YES1: variants seen among roughly 807,000 people sequenced by gnomAD.
YES1 encodes YES proto-oncogene 1, Src family tyrosine kinase.
In YES1, 39 loss-of-function variants were observed where a neutral mutation model predicts 70.4. The ratio of observed to expected loss-of-function variants is 0.55; its 90% CI spans 0.43 to 0.72. The LOEUF (loss-of-function observed/expected upper bound fraction) is 0.72, where lower values mean the gene tolerates loss of function less well. YES1 is among the 30% of genes least tolerant of loss of function. The pLI is 0.00. For missense variants in YES1, 495 were observed against 644.8 expected (o/e 0.77, Z 2.52); for synonymous variants, 198 against 218.6 (o/e 0.91, Z 0.83).
At chr18:757,143 C>T (rs1290473828) in intron 1 of YES1, among the ~76,000 whole-genome samples, 1 of 152,222 alleles carries the variant, frequency 6.6e-6, no homozygotes, top group East Asian at 1.9e-4. Context: ...AATTTGAATC[C>T]TGGCTTCCTA....
intron 1 of YES1, among the ~76,000 whole-genome samples, chr18:757,290 T>G (rs1029221999): frequency 6.7e-6 from 1 of 149,656 alleles, no homozygotes; most frequent in Non-Finnish European, 1.5e-5. Context: ...GATCACGAGG[T>G]CAGGAGATTG....
In YES1 at chr18:742,952, T is replaced by C; in HGVS notation, c.1026A>G (p.Glu342=). 2 of 1,600,964 alleles carry C rather than the reference T, an allele frequency of 1.2e-6. No homozygotes were observed. The highest frequency in any genetic ancestry group is 4.5e-5 in the East Asian group (2 of 44,780). Residue 342 remains glutamate, a synonymous_variant, in exon 8 of 12, where the codon GAA becomes GAG. Transcript: ENST00000314574. ...LVPLYAVVSE[E]PIYIVTEFMS... is the part of the protein sequence containing the mutation. Reference sequence around the variant, plus strand: ...TAAATTCAGTGACAATGTAAATTGGTTCTTCAGAAACAACAGCATATAGTG... The same window carrying C: ...TAAATTCAGTGACAATGTAAATTGGCTCTTCAGAAACAACAGCATATAGTG...
intron 10 of YES1, among the ~76,000 whole-genome samples, chr18:734,517 C>T (rs904255003): frequency 6.6e-6 from 1 of 152,060 alleles, no homozygotes; most frequent in Non-Finnish European, 1.5e-5. Flanking sequence ...GATCGCGCCA[C>T]TGCACTCCAG....
At chr18:768,641 CG>C (rs1202475688) in intron 1 of YES1, among the ~76,000 whole-genome samples, 2 of 151,978 alleles carry the variant, frequency 1.3e-5, no homozygotes, top group Non-Finnish European at 2.9e-5. Context: ...ACGGTGGTCC[CG>C]TAAGATTATA....
intron 10 of YES1, chr18:735,649 A>C (rs1001721283): frequency 1.3e-5 from 2 of 151,906 alleles, no homozygotes; most frequent in Non-Finnish European, 2.9e-5. Flanking sequence ...GGGAGGCGGA[A>C]GTTGCAGTGA....
At chr18:797,790 A>ATATC (rs1469419367) in intron 1 of YES1, among the ~76,000 whole-genome samples, 1 of 152,194 alleles carries the variant, frequency 6.6e-6, no homozygotes, top group Non-Finnish European at 1.5e-5. Flanking sequence ...TTCTTCTAAG[A>ATATC]TATCTACCTG....
chr18:741,501 C>A (rs2080216604), intron 8 of YES1, among the ~76,000 whole-genome samples: 1 of 152,120 alleles, frequency 6.6e-6, no homozygotes, highest in Admixed American at 6.6e-5. Context: ...ATCTAATATA[C>A]TCTTTGAAAG....
intron 1 of YES1, among the ~76,000 whole-genome samples, chr18:776,192 C>T (rs1264709774): frequency 6.9e-6 from 1 of 144,558 alleles, no homozygotes; most frequent in Non-Finnish European, 1.5e-5. Flanking sequence ...ACTTGGTATA[C>T]TCGATCTTTT....
At position 806,399 on chromosome 18, in the gene YES1, A is replaced by G. The variant is rs147339862; in HGVS notation, c.-9+5715T>C. Among the ~76,000 whole-genome samples the G allele has an allele frequency of 3.6e-3, 542 of 152,328 alleles. 4 individuals are homozygous for G. The highest frequency in any genetic ancestry group is 0.013 in the African/African-American group (520 of 41,578). On this transcript the variant is annotated intron_variant, in intron 1 of 11. Coordinates refer to ENST00000314574, the MANE Select transcript of YES1 (RefSeq NM_005433.4). ...TTTTGTAAAATCACCTTCTAGAACA[A>G]AACCTTGAGAGCAAAAATCTAAAGA... is the stretch of plus-strand genomic sequence containing the variant.
intron 1 of YES1, among the ~76,000 whole-genome samples, chr18:765,461 T>G (rs576188441): frequency 6.7e-6 from 1 of 148,750 alleles, no homozygotes; most frequent in Non-Finnish European, 1.5e-5. Context: ...TGTAGTGGCG[T>G]GATCTTGGCT....
intron 1 of YES1, among the ~76,000 whole-genome samples, chr18:783,496 T>C (rs962626408): frequency 6.6e-6 from 1 of 152,262 alleles, no homozygotes; most frequent in Non-Finnish European, 1.5e-5. Flanking sequence ...GAAAGCTCAA[T>C]TGAGTTGAAT....
chr18:763,515 C>T (rs1361021784), intron 1 of YES1, among the ~76,000 whole-genome samples: 1 of 151,700 alleles, frequency 6.6e-6, no homozygotes, highest in African/African-American at 2.4e-5. Context: ...GGCGTCATGG[C>T]AGAACCCCGT....
intron 1 of YES1, among the ~76,000 whole-genome samples, chr18:791,659 A>AT (rs1906256175): frequency 1.3e-5 from 2 of 152,340 alleles, no homozygotes; most frequent in South Asian, 4.1e-4. Flanking sequence ...AAAGAGATTA[A>AT]TTTTAATATC....
At chr18:783,231 AAT>A (rs1452767085) in intron 1 of YES1, among the ~76,000 whole-genome samples, 1 of 152,148 alleles carries the variant, frequency 6.6e-6, no homozygotes, top group African/African-American at 2.4e-5. Context: ...AAAATAAATA[AAT>A]AAAACATTAT....
At chr18:769,929 A>G (rs1294697371) in intron 1 of YES1, among the ~76,000 whole-genome samples, 1 of 151,426 alleles carries the variant, frequency 6.6e-6, no homozygotes, top group Non-Finnish European at 1.5e-5. Flanking sequence ...GCCTCACAAA[A>G]TGAATTGGGA....
intron 1 of YES1, among the ~76,000 whole-genome samples, chr18:768,584 C>T (rs1905011936): frequency 6.6e-6 from 1 of 152,140 alleles, no homozygotes; most frequent in Non-Finnish European, 1.5e-5. Context: ...TAACATATAC[C>T]ATCATGTGCA....
intron 1 of YES1, among the ~76,000 whole-genome samples, chr18:809,118 A>T (rs1023780109): frequency 6.6e-6 from 1 of 152,240 alleles, no homozygotes; most frequent in Non-Finnish European, 1.5e-5. Context: ...CCATTCGTTC[A>T]ATAAACATTT....
At chr18:729,118 TCTG>T (rs1425640283) in intron 11 of YES1, among the ~76,000 whole-genome samples, 1 of 152,256 alleles carries the variant, frequency 6.6e-6, no homozygotes, top group Non-Finnish European at 1.5e-5. Context: ...TACATTCTGT[TCTG>T]CTTTCTTCCC....
chr18:752,826 TC>T (rs1004289445), intron 2 of YES1, among the ~76,000 whole-genome samples: 2 of 152,136 alleles, frequency 1.3e-5, no homozygotes, highest in African/African-American at 4.8e-5. Flanking sequence ...GCCTGTAATC[TC>T]AGCTACTTGG....
Sources: allele counts gnomAD v4.1 joint callset (sites outside exome capture counted in the v4.1 genomes callset), GRCh38; gene constraint gnomAD v4.1.1; transcripts MANE v1.5; gene names NCBI Gene and HGNC (gene_info 2026-07-23, HGNC 2026-07-21).